The following CTNNB1 variants were observed in gnomAD, a reference collection of about 807,000 sequenced individuals.
The protein encoded by CTNNB1 is catenin beta-1.
CTNNB1 carries 6 observed loss-of-function variants against 82.5 expected under a neutral mutation model. That is an observed-to-expected ratio of 0.07 (90% CI 0.04 to 0.14). The LOEUF (loss-of-function observed/expected upper bound fraction) is 0.14, where lower values mean the gene tolerates loss of function less well. Ranked by LOEUF, CTNNB1 falls within the 10% of genes least tolerant of loss-of-function variation. The probability of loss-of-function intolerance (pLI) is 1.00; values close to 1 mark genes in which losing one functional copy is unlikely to be tolerated. For missense variants in CTNNB1, 529 were observed against 980.4 expected, an observed-to-expected ratio of 0.54 and a Z score of 6.15; for synonymous variants, 312 against 329.7, an observed-to-expected ratio of 0.95 and a Z score of 0.58.
In CTNNB1 at chr3:41,231,242, G is replaced by GTGTGAA. The variant is rs1379628834; in HGVS notation, c.1082-2098_1082-2093dup. ...CTTGGGAGGCTGAGGCAGGAGAATG[G>GTGTGAA]TGTGAACCCGGGAGGCGGAGCTTGC... On this transcript the variant is annotated intron_variant, in intron 7 of 14. Coordinates refer to ENST00000349496, the MANE Select transcript of CTNNB1 (RefSeq NM_001904.4). 4.6e-5 allele frequency among the ~76,000 whole-genome samples: 7 copies of GTGTGAA among 152,074 alleles called. No homozygotes were observed. The East Asian group carries it at 1.4e-3, about 29-fold the overall frequency.
chr3:41,221,965 T>G (rs1333848132), intron 1 of CTNNB1: 1 of 152,236 alleles, frequency 6.6e-6, no homozygotes, highest in African/African-American at 2.4e-5. Context: ...TGTTTTTATT[T>G]ATTCTCTCCA....
At chr3:41,219,127 A>G (rs1275008416) in intron 1 of CTNNB1, among the ~76,000 whole-genome samples, 1 of 152,248 alleles carries the variant, frequency 6.6e-6, no homozygotes, top group Non-Finnish European at 1.5e-5. Flanking sequence ...GCTGTGCTTT[A>G]ACATTATCAG....
chr3:41,232,114 C>T (rs2078322661), intron 7 of CTNNB1, among the ~76,000 whole-genome samples: 2 of 151,884 alleles, frequency 1.3e-5, no homozygotes, highest in Admixed American at 1.3e-4. Context: ...GGTAGAGGTG[C>T]CACAGAGTCA....
intron 1 of CTNNB1, among the ~76,000 whole-genome samples, chr3:41,222,768 C>G (rs1286776833): frequency 6.6e-6 from 1 of 152,208 alleles, no homozygotes; most frequent in Non-Finnish European, 1.5e-5. Flanking sequence ...AGCCTATAGA[C>G]ATGACCAGTT....
In CTNNB1 at chr3:41,239,560, T is replaced by TAAC. The variant is rs2078524842; in HGVS notation, c.*219_*221dup. 3.4e-6 allele frequency: 2 copies of TAAC among 584,262 alleles called. No individual in the cohort carries two copies. The highest frequency in any genetic ancestry group is 6.0e-5 in the Admixed American group (2 of 33,428). 36.2% of individuals were successfully genotyped at this position (584,262 alleles called of 1,614,324 possible). A position where few individuals can be genotyped will look rare whatever the true frequency, so the allele number is the denominator to read the frequency against. Reference sequence around the variant, plus strand: ...TTATGTGATCATGTGTGGAAGTTATTAACTTTAATGTTTTTTGCCACAGCT... The same window carrying TAAC: ...TTATGTGATCATGTGTGGAAGTTATTAACAACTTTAATGTTTTTTGCCACAGCT... On this transcript the variant is annotated 3_prime_UTR_variant, in exon 15 of 15. Transcript: ENST00000349496.
intron 1 of CTNNB1, chr3:41,221,568 C>T (rs1015359692): frequency 6.6e-6 from 1 of 152,020 alleles, no homozygotes; most frequent in Non-Finnish European, 1.5e-5. Context: ...GGTCTTGGAA[C>T]TCTTGTGCTG....
intron 13 of CTNNB1, 52 bp downstream of exon 13, chr3:41,236,761 G>T (rs1393477992): frequency 1.3e-5 from 21 of 1,611,578 alleles, no homozygotes; most frequent in Non-Finnish European, 1.8e-5. Context: ...AGCAGGTATG[G>T]CAGCTTGTTC....
At chr3:41,236,523 T>C in intron 12 of CTNNB1, 24 bp downstream of exon 12, 1 of 1,614,224 alleles carries the variant, frequency 6.2e-7, no homozygotes, top group Non-Finnish European at 8.5e-7. Flanking sequence ...AACCAAAGCC[T>C]TTAGCAGATG....
chr3:41,220,340 AT>A (rs891281378), intron 1 of CTNNB1, among the ~76,000 whole-genome samples: 14 of 152,024 alleles, frequency 9.2e-5, no homozygotes, highest in African/African-American at 3.1e-4. Context: ...TTTGATGCTT[AT>A]TGACTATTCG....
At chr3:41,237,979 C>T (rs753999528) in intron 13 of CTNNB1, 37 bp from the exon 14 acceptor site, 2 of 1,587,848 alleles carry the variant, frequency 1.3e-6, no homozygotes, top group Non-Finnish European at 1.7e-6. Context: ...TTTCATTTTG[C>T]TTTCTATTCT....
chr3:41,225,871 T>C lies in CTNNB1; in HGVS notation c.936+10T>C, dbSNP rs757056061. 17 of 1,608,262 alleles carry C rather than the reference T, an allele frequency of 1.1e-5. No homozygotes were observed. The Admixed American group carries it at 2.8e-4, about 27-fold the overall frequency. ...CAACCAAGAAAGCAAGGTAAGAGAATTATTCTTTATGTGGTTTTCATGGAG... is the reference window on the plus strand; with the variant it reads ...CAACCAAGAAAGCAAGGTAAGAGAACTATTCTTTATGTGGTTTTCATGGAG... On this transcript the variant is annotated intron_variant, in intron 6 of 14. Transcript: ENST00000349496. The surrounding 1 kb of genome is among the most constrained non-coding windows in gnomAD (Gnocchi z 5.3).
At chr3:41,209,806 T>A (rs547712933) in intron 1 of CTNNB1, among the ~76,000 whole-genome samples, 19 of 152,270 alleles carry the variant, frequency 1.2e-4, no homozygotes, top group Non-Finnish European at 2.5e-4. Flanking sequence ...ATAAGGCAGT[T>A]GTGATGAATG....
intron 7 of CTNNB1, among the ~76,000 whole-genome samples, chr3:41,228,342 T>A (rs982782198): frequency 1.1e-4 from 16 of 152,226 alleles, no homozygotes; most frequent in Admixed American, 9.8e-4. Context: ...ACCAGCAGTG[T>A]ATAAGCATTC....
intron 1 of CTNNB1, among the ~76,000 whole-genome samples, chr3:41,207,840 GCT>G (rs1185166009): frequency 1.1e-4 from 17 of 152,268 alleles, no homozygotes; most frequent in Admixed American, 4.6e-4. Flanking sequence ...TTCCCTTGCA[GCT>G]CTCTCAAGTG....
Position 41,225,195 on chromosome 3 carries a change from T to C in CTNNB1, c.483T>C (p.Asn161=), listed in dbSNP as rs369510063. 1.4e-5 allele frequency: 22 copies of C among 1,613,968 alleles called. No homozygotes were observed. In the African/African-American group the frequency reaches 2.0e-4, roughly 15 times the overall value. Reference sequence around the variant, plus strand: ...TCCCTGAACTGACAAAACTGCTAAATGACGAGGACCAGGTAAGCAATGACA... The same window carrying C: ...TCCCTGAACTGACAAAACTGCTAAACGACGAGGACCAGGTAAGCAATGACA... ...RAIPELTKLL[N]DEDQVVVNKA... is the part of the protein sequence containing the mutation. The change falls in exon 4 of 15, where the codon AAT becomes AAC. Residue 161 remains asparagine (N), a synonymous_variant. Coordinates refer to ENST00000349496, the MANE Select transcript of CTNNB1 (RefSeq NM_001904.4). This position sits in a 1 kb window ranked among gnomAD's most constrained non-coding sequence, Gnocchi z 5.3.
intron 13 of CTNNB1, 66 bp downstream of exon 13, chr3:41,236,775 C>T (rs539803026): frequency 1.8e-4 from 284 of 1,596,604 alleles, no homozygotes; most frequent in Admixed American, 2.8e-4. Context: ...CTTGTTCTTT[C>T]CTCTCAAAAC....
chr3:41,234,550 A>G (rs2125642625), intron 10 of CTNNB1: 3 of 509,016 alleles, frequency 5.9e-6, no homozygotes, highest in South Asian at 4.2e-5. Context: ...GGTGTTTCAT[A>G]AAGTGTTCTC....
intron 13 of CTNNB1, chr3:41,237,196 T>C: frequency 5.3e-6 from 1 of 187,564 alleles, no homozygotes; most frequent in Non-Finnish European, 1.1e-5. Flanking sequence ...ATAGAGATCA[T>C]TGATGGTACA....
chr3:41,207,937 C>G lies in CTNNB1; in HGVS notation c.-49+8267C>G, dbSNP rs577080423. On this transcript the variant is annotated intron_variant, in intron 1 of 14. Coordinates refer to ENST00000349496, the MANE Select transcript of CTNNB1 (RefSeq NM_001904.4). ...TGTCTGCTTTTGTTCCTTATTGTCA[C>G]TTCTTGACCTTTATTTTCCAAAACT... Among the ~76,000 whole-genome samples the G allele has an allele frequency of 6.6e-5, 10 of 152,140 alleles. No individual in the cohort carries two copies. The East Asian group carries it at 7.7e-4, about 12-fold the overall frequency.
Sources: gnomAD v4.1 joint callset for allele counts (sites outside exome capture counted in the v4.1 genomes callset) on GRCh38, gnomAD v4.1.1 for gene constraint, Gnocchi (gnomAD v3.1) non-coding constraint, MANE v1.5 for transcripts, NCBI Gene and HGNC (gene_info 2026-07-23, HGNC 2026-07-21) for gene names.